The following PARD3B variants were observed in gnomAD, a reference collection of about 807,000 sequenced individuals.
The protein encoded by PARD3B is par-3 family cell polarity regulator beta, also known as partitioning defective 3 homolog B.
In PARD3B, 103 loss-of-function variants were observed where a neutral mutation model predicts 130.2. That is an observed-to-expected ratio of 0.79 (90% CI 0.67 to 0.93). The LOEUF (loss-of-function observed/expected upper bound fraction) is 0.93, where lower values mean the gene tolerates loss of function less well. Ranked by LOEUF, PARD3B falls within the 40% of genes least tolerant of loss-of-function variation. The probability of loss-of-function intolerance (pLI) is 0.00; values close to 1 mark genes in which losing one functional copy is unlikely to be tolerated. For missense variants in PARD3B, 1,609 were observed against 1,499.2 expected (o/e 1.07, Z -1.21); for synonymous variants, 583 against 553.2 (o/e 1.05, Z -0.76).
chr2:204,910,628 G>C, intron 2 of PARD3B, among the ~76,000 whole-genome samples: 1 of 151,706 alleles, frequency 6.6e-6, no homozygotes, highest in East Asian at 1.9e-4. Flanking sequence ...TAAGATTACT[G>C]TTTTTTTTGT....
chr2:205,108,796 A>G (rs574409484), intron 5 of PARD3B, among the ~76,000 whole-genome samples: 11 of 152,194 alleles, frequency 7.2e-5, no homozygotes, highest in Non-Finnish European at 1.6e-4. Context: ...ATAAATCACT[A>G]TTTGAGTCTT....
chr2:205,614,595 A>T (rs1187124905), intron 22 of PARD3B, among the ~76,000 whole-genome samples: 1 of 151,704 alleles, frequency 6.6e-6, no homozygotes, highest in Admixed American at 6.6e-5. Flanking sequence ...AGTTCCATCT[A>T]CTCGGTAGGC....
At chr2:204,731,509 A>G (rs1191530405) in intron 2 of PARD3B, among the ~76,000 whole-genome samples, 2 of 152,180 alleles carry the variant, frequency 1.3e-5, no homozygotes, top group African/African-American at 4.8e-5. Flanking sequence ...AATTGTACTT[A>G]GCTTATGTAA....
In PARD3B at chr2:205,562,615, A is replaced by G. The variant is rs1029821395; in HGVS notation, c.3260+9212A>G. 2.0e-5 allele frequency among the ~76,000 whole-genome samples: 3 copies of G among 152,134 alleles called. No individual in the cohort carries two copies. The highest frequency in any genetic ancestry group is 7.2e-5 in the African/African-American group (3 of 41,434). On this transcript the variant is annotated intron_variant, in intron 22 of 22. Coordinates refer to ENST00000406610, the MANE Select transcript of PARD3B (RefSeq NM_001302769.2). The surrounding 1 kb of genome is among the most constrained non-coding windows in gnomAD (Gnocchi z 5.4). ...AAGGGAATTTTAGCATTTATTTCCT[A>G]CTTCTCCAGCCAAAAGAAAAGAAGG...
intron 4 of PARD3B, among the ~76,000 whole-genome samples, chr2:205,102,823 G>C (rs149554708): frequency 1.4e-3 from 207 of 152,136 alleles, no homozygotes; most frequent in African/African-American, 4.5e-3. Flanking sequence ...CCCAGCACTT[G>C]GGAGGCCAAG....
At chr2:204,716,414 G>C (rs1190683724) in intron 2 of PARD3B, among the ~76,000 whole-genome samples, 1 of 151,952 alleles carries the variant, frequency 6.6e-6, no homozygotes, top group African/African-American at 2.4e-5. Context: ...GGCTTAGGGG[G>C]CCAGAGTTAT....
chr2:204,736,111 C>G (rs1048244247), intron 2 of PARD3B, among the ~76,000 whole-genome samples: 1 of 151,766 alleles, frequency 6.6e-6, no homozygotes, highest in East Asian at 1.9e-4. Flanking sequence ...ATCAAGTCCT[C>G]AGTTCTACTA....
At chr2:205,581,123 T>C (rs1485263471) in intron 22 of PARD3B, among the ~76,000 whole-genome samples, 1 of 151,852 alleles carries the variant, frequency 6.6e-6, no homozygotes, top group African/African-American at 2.4e-5. Flanking sequence ...ATCAAAGAGA[T>C]ATCTGCCCTC....
rs1042058827 is a variant in PARD3B at position 204,606,349 on chromosome 2, T to C, written c.120+60230T>C. Among the ~76,000 whole-genome samples the C allele has an allele frequency of 2.6e-5, 4 of 152,150 alleles. No homozygotes were observed. Among genetic ancestry groups the C allele is most frequent in the Non-Finnish European group, 4.4e-5 (3 of 68,018 alleles). ...CTAAGAGGACTACTTTTTTAGTACT[T>C]TAGTTTCTCAGTCATGCTTTTGTCC... On this transcript the variant is annotated intron_variant, in intron 1 of 22. Transcript: ENST00000406610. The surrounding 1 kb of genome is among the most constrained non-coding windows in gnomAD (Gnocchi z 4.0).
At chr2:205,076,641 A>G (rs1205361476) in intron 4 of PARD3B, among the ~76,000 whole-genome samples, 1 of 152,160 alleles carries the variant, frequency 6.6e-6, no homozygotes, top group African/African-American at 2.4e-5. Context: ...CTGTCACATC[A>G]GTGGCAGCAT....
chr2:204,696,476 A>G (rs887815119), intron 2 of PARD3B, among the ~76,000 whole-genome samples: 4 of 152,038 alleles, frequency 2.6e-5, no homozygotes, highest in Admixed American at 2.0e-4. Context: ...CTCACTTTAT[A>G]TTATTAATTA....
intron 2 of PARD3B, among the ~76,000 whole-genome samples, chr2:204,891,170 T>C (rs893186384): frequency 3.3e-5 from 5 of 151,404 alleles, no homozygotes; most frequent in Admixed American, 6.6e-5. Flanking sequence ...CTGTGTGTTT[T>C]CTCTTAAGTC....
intron 2 of PARD3B, among the ~76,000 whole-genome samples, chr2:204,851,639 CATT>C (rs1389889544): frequency 1.3e-5 from 2 of 152,110 alleles, no homozygotes; most frequent in African/African-American, 4.8e-5. Flanking sequence ...GGACCTATGT[CATT>C]ATTAATAAAT....
intron 10 of PARD3B, among the ~76,000 whole-genome samples, chr2:205,133,838 C>T (rs2032237237): frequency 6.6e-6 from 1 of 152,156 alleles, no homozygotes; most frequent in Admixed American, 6.5e-5. Flanking sequence ...TTAAAATTTC[C>T]ACACTCAATT....
chr2:205,159,973 C>T (rs73982712), intron 11 of PARD3B, among the ~76,000 whole-genome samples: 4,647 of 152,238 alleles, frequency 0.031, 127 homozygotes, highest in African/African-American at 0.075. Context: ...TAATGTCTAT[C>T]CTCTCCCACA....
intron 2 of PARD3B, among the ~76,000 whole-genome samples, chr2:204,774,468 A>G (rs1574951205): frequency 6.6e-6 from 1 of 152,096 alleles, no homozygotes. Flanking sequence ...GTGGGGAGGC[A>G]GTTTGGACTC....
chr2:205,103,867 T>A, intron 4 of PARD3B: 1 of 370,412 alleles, frequency 2.7e-6, no homozygotes, highest in Non-Finnish European at 3.7e-6. Flanking sequence ...TTTTAGAAAT[T>A]AAATAGGCAA....
chr2:205,207,589 C>T (rs952606902), intron 15 of PARD3B, among the ~76,000 whole-genome samples: 4 of 142,528 alleles, frequency 2.8e-5, no homozygotes, highest in Non-Finnish European at 6.1e-5. Context: ...ACTACAAACA[C>T]CTCTACACAA....
chr2:205,550,939 G>A lies in PARD3B; in HGVS notation c.3181-2385G>A, dbSNP rs375807969. Among the ~76,000 whole-genome samples the A allele has an allele frequency of 0.075, 4,226 of 56,020 alleles. 94 individuals are homozygous for A. The highest frequency in any genetic ancestry group is 0.11 in the Non-Finnish European group (2,920 of 26,458). The allele number at this position is 56,020 out of a possible 152,430, so 36.8% of individuals were successfully genotyped here. A position where few individuals can be genotyped will look rare whatever the true frequency, so the allele number is the denominator to read the frequency against. ...CATATAATTATGTGTGTGTGTGTGTGTGTATATATATATGTGTATATATAT... is the reference window on the plus strand; with the variant it reads ...CATATAATTATGTGTGTGTGTGTGTATGTATATATATATGTGTATATATAT... On this transcript the variant is annotated intron_variant, in intron 21 of 22. Coordinates refer to ENST00000406610, the MANE Select transcript of PARD3B (RefSeq NM_001302769.2). This position sits in a 1 kb window ranked among gnomAD's most constrained non-coding sequence, Gnocchi z 4.5.
Sources: allele counts gnomAD v4.1 joint callset (sites outside exome capture counted in the v4.1 genomes callset), GRCh38; gene constraint gnomAD v4.1.1; non-coding constraint Gnocchi (gnomAD v3.1); transcripts MANE v1.5; gene names NCBI Gene and HGNC (gene_info 2026-07-23, HGNC 2026-07-21).